Variants in GRID2 observed in about 807,000 individuals in gnomAD.
The protein encoded by GRID2 is glutamate receptor ionotropic, delta-2.
GRID2 carries 33 observed loss-of-function variants against 114.8 expected under a neutral mutation model. That is an observed-to-expected ratio of 0.29 (90% CI 0.22 to 0.38). The LOEUF (loss-of-function observed/expected upper bound fraction) is 0.38, where lower values mean the gene tolerates loss of function less well. GRID2 is among the 10% of genes least tolerant of loss of function. The pLI, the probability that GRID2 is intolerant of heterozygous loss-of-function variation, is 1.00. For synonymous variants in GRID2, 505 were observed against 449.9 expected, an observed-to-expected ratio of 1.12 and a Z score of -1.55; for missense variants, 1,184 against 1,257.7, an observed-to-expected ratio of 0.94 and a Z score of 0.89.
At chr4:93,790,550 AT>A (rs5860348) in intron 1 of GRID2, among the ~76,000 whole-genome samples, 85 of 148,028 alleles carry the variant, frequency 5.7e-4, no homozygotes, top group African/African-American at 1.5e-3. Context: ...TTTAACTATA[AT>A]TTTTTTTTTT....
chr4:93,698,978 T>C (rs1342173007), intron 14 of GRID2, among the ~76,000 whole-genome samples: 14 of 152,068 alleles, frequency 9.2e-5, no homozygotes, highest in Non-Finnish European at 1.0e-4. Flanking sequence ...CAGTTTCTGT[T>C]TTCAATGGCT....
intron 1 of GRID2, among the ~76,000 whole-genome samples, chr4:92,329,688 A>C (rs777278950): frequency 2.0e-5 from 3 of 152,034 alleles, no homozygotes; most frequent in Non-Finnish European, 4.4e-5. Context: ...CAAAATAGAA[A>C]AAACACTCAA....
intron 1 of GRID2, among the ~76,000 whole-genome samples, chr4:93,800,121 C>T (rs190533409): frequency 2.8e-4 from 43 of 152,194 alleles, no homozygotes; most frequent in African/African-American, 9.6e-4. Context: ...TATAGGTTGA[C>T]GATAACGCCT....
intron 14 of GRID2, among the ~76,000 whole-genome samples, chr4:93,632,055 A>C (rs997689306): frequency 6.6e-6 from 1 of 151,932 alleles, no homozygotes; most frequent in African/African-American, 2.4e-5. Context: ...CCACTTTTTG[A>C]TGAGGTTGTT....
At chr4:93,302,825 A>C (rs775491857) in intron 8 of GRID2, among the ~76,000 whole-genome samples, 9 of 152,234 alleles carry the variant, frequency 5.9e-5, no homozygotes, top group Non-Finnish European at 1.3e-4. Context: ...GTGATTCTAC[A>C]TGAATATTTC....
intron 1 of GRID2, among the ~76,000 whole-genome samples, chr4:92,519,162 A>C (rs1724651850): frequency 6.6e-6 from 1 of 151,864 alleles, no homozygotes; most frequent in Non-Finnish European, 1.5e-5. Context: ...TTAATTATTT[A>C]TTCAAATAAT....
chr4:93,038,581 G>A (rs1314127527), intron 2 of GRID2, among the ~76,000 whole-genome samples: 1 of 152,072 alleles, frequency 6.6e-6, no homozygotes, highest in African/African-American at 2.4e-5. Flanking sequence ...ATGAAGTCAG[G>A]AGATCGAGAC....
intron 2 of GRID2, among the ~76,000 whole-genome samples, chr4:92,875,791 G>A (rs1475787081): frequency 5.9e-5 from 9 of 152,048 alleles, no homozygotes; most frequent in Non-Finnish European, 1.2e-4. Context: ...AAATTTGAAA[G>A]CAAATACCAT....
chr4:93,219,790 G>A, intron 6 of GRID2, among the ~76,000 whole-genome samples: 1 of 152,142 alleles, frequency 6.6e-6, no homozygotes, highest in East Asian at 1.9e-4. Flanking sequence ...GCTGCTAATG[G>A]AGAGAAAACA....
chr4:92,935,610 C>G (rs1350784295), intron 2 of GRID2, among the ~76,000 whole-genome samples: 2 of 146,882 alleles, frequency 1.4e-5, no homozygotes, highest in Non-Finnish European at 3.0e-5. Flanking sequence ...GCACTATTCA[C>G]AACAGCAAAG....
At chr4:92,763,669 G>T (rs1308517510) in intron 2 of GRID2, among the ~76,000 whole-genome samples, 1 of 152,128 alleles carries the variant, frequency 6.6e-6, no homozygotes, top group Non-Finnish European at 1.5e-5. Flanking sequence ...TTTGTAGGAT[G>T]ATCATAGAAT....
At chr4:92,987,168 T>C (rs1483614905) in intron 2 of GRID2, among the ~76,000 whole-genome samples, 1 of 152,188 alleles carries the variant, frequency 6.6e-6, no homozygotes, top group African/African-American at 2.4e-5. Flanking sequence ...AAATTACTGT[T>C]ATACTAAACT....
intron 8 of GRID2, among the ~76,000 whole-genome samples, chr4:93,301,694 G>A (rs35271550): frequency 0.054 from 8,254 of 152,054 alleles, 753 homozygotes; most frequent in African/African-American, 0.19. Flanking sequence ...ATAATCCTAC[G>A]TATTGTGGGT....
At position 92,373,567 on chromosome 4, in the gene GRID2, G is replaced by A. The variant is rs921841889; in HGVS notation, c.88+68823G>A. 3.3e-5 allele frequency among the ~76,000 whole-genome samples: 5 copies of A among 152,098 alleles called. No individual in the cohort carries two copies. The South Asian group carries it at 6.2e-4, about 19-fold the overall frequency. ...TGTCACGACAAAATAATTTCATGCC[G>A]GATATGAATATTTTCTAGCTCAACA... On this transcript the variant is annotated intron_variant, in intron 1 of 15. Coordinates refer to ENST00000282020, the MANE Select transcript of GRID2 (RefSeq NM_001510.4).
chr4:92,743,386 A>G (rs1736992002), intron 2 of GRID2, among the ~76,000 whole-genome samples: 2 of 152,196 alleles, frequency 1.3e-5, no homozygotes, highest in African/African-American at 4.8e-5. Context: ...GTATATGAGC[A>G]GTCATATAGA....
intron 2 of GRID2, among the ~76,000 whole-genome samples, chr4:92,961,353 G>T (rs1306047038): frequency 6.7e-6 from 1 of 149,764 alleles, no homozygotes; most frequent in East Asian, 1.9e-4. Context: ...TTGCAGGGAG[G>T]GTCTGCTGAC....
chr4:92,872,001 G>T (rs1745313352), intron 2 of GRID2, among the ~76,000 whole-genome samples: 1 of 152,044 alleles, frequency 6.6e-6, no homozygotes, highest in Non-Finnish European at 1.5e-5. Context: ...CTGTGGTCAG[G>T]TGTATGTGTG....
intron 2 of GRID2, among the ~76,000 whole-genome samples, chr4:92,815,705 G>T (rs372254928): frequency 2.6e-5 from 4 of 151,634 alleles, no homozygotes; most frequent in African/African-American, 9.7e-5. Context: ...TTGAGCAAAG[G>T]AGTTCAATAC....
chr4:93,663,767 T>G (rs976454696), intron 14 of GRID2, among the ~76,000 whole-genome samples: 2 of 152,178 alleles, frequency 1.3e-5, no homozygotes, highest in Non-Finnish European at 2.9e-5. Flanking sequence ...AGGCAATCTC[T>G]AAAACTTTGA....
Sources: allele counts gnomAD v4.1 joint callset (sites outside exome capture counted in the v4.1 genomes callset), GRCh38; gene constraint gnomAD v4.1.1; transcripts MANE v1.5; gene names NCBI Gene and HGNC (gene_info 2026-07-23, HGNC 2026-07-21).